The following PCDH11X variants were observed in gnomAD, a reference collection of about 807,000 sequenced individuals.
The protein encoded by PCDH11X is protocadherin-11 X-linked.
A neutral mutation model predicts 53.3 loss-of-function variants in PCDH11X; 18 were observed. The observed-to-expected ratio is 0.34, with a 90% CI of 0.23 to 0.50. The LOEUF (loss-of-function observed/expected upper bound fraction) is 0.50. Ranked by LOEUF, PCDH11X falls within the 20% of genes least tolerant of loss-of-function variation. PCDH11X has a pLI of 0.98. For missense variants in PCDH11X, 570 were observed against 1,032.4 expected, an observed-to-expected ratio of 0.55 and a Z score of 6.14; for synonymous variants, 279 against 393.3, an observed-to-expected ratio of 0.71 and a Z score of 3.44.
At chrX:92,559,615 G>A (rs1221124740) in intron 10 of PCDH11X, among the ~76,000 whole-genome samples, 1 of 111,531 alleles carries the variant, frequency 9.0e-6, no homozygotes, top group East Asian at 2.8e-4. Context: ...CAGAGGTCTT[G>A]TGGTGCAGAA....
At chrX:92,520,512 C>G in intron 10 of PCDH11X, among the ~76,000 whole-genome samples, 1 of 92,117 alleles carries the variant, frequency 1.1e-5, no homozygotes, top group Admixed American at 1.3e-4. Flanking sequence ...CAGGATTTTG[C>G]CATGTTGCCC....
chrX:92,194,465 T>C (rs939415779), intron 6 of PCDH11X, among the ~76,000 whole-genome samples: 8 of 111,126 alleles, frequency 7.2e-5, no homozygotes, highest in Non-Finnish European at 1.9e-5. Flanking sequence ...CCTATCTTAA[T>C]TAGCTTTCAG....
chrX:91,862,216 G>T (rs1298996924), intron 5 of PCDH11X, among the ~76,000 whole-genome samples: 1 of 110,878 alleles, frequency 9.0e-6, no homozygotes, highest in Non-Finnish European at 1.9e-5. Flanking sequence ...CAGCAGTAAA[G>T]CTATCGGGTC....
chrX:92,038,483 A>C (rs2063162948), intron 6 of PCDH11X, among the ~76,000 whole-genome samples: 1 of 112,010 alleles, frequency 8.9e-6, no homozygotes, highest in African/African-American at 3.3e-5. Context: ...ATTGCACAGA[A>C]GTCAAGAATT....
intron 4 of PCDH11X, among the ~76,000 whole-genome samples, chrX:91,824,295 A>G (rs1184966417): frequency 1.8e-5 from 2 of 110,387 alleles, no homozygotes; most frequent in Non-Finnish European, 3.8e-5. Flanking sequence ...CATTCTCCCC[A>G]TCACTTTCAG....
At position 91,878,353 on chromosome X, in the gene PCDH11X, A is replaced by G. The variant is rs200978757; in HGVS notation, c.2113A>G (p.Thr705Ala). Residue 705 changes from threonine (T) to alanine (A), a missense_variant, in exon 6 of 11, where the codon ACT (threonine) becomes GCT (alanine). This residue lies in a region of PCDH11X where 226 missense variants were observed against 457.5 expected (regional missense o/e 0.49). Transcript: ENST00000682573. Reference sequence around the variant, plus strand: ...TCAGGTAATTGCTGTTGACAATGACACTGGCATGAATGCAGAGGTTCGTTA... The same window carrying G: ...TCAGGTAATTGCTGTTGACAATGACGCTGGCATGAATGCAGAGGTTCGTTA... ...VFQVIAVDND[T>A]GMNAEVRYSI... The G allele has an allele frequency of 5.0e-6, 6 of 1,207,456 alleles. No homozygotes were observed. The highest frequency in any genetic ancestry group is 5.6e-6 in the Non-Finnish European group (5 of 893,051).
At chrX:92,268,291 G>A (rs1056316942) in intron 8 of PCDH11X, among the ~76,000 whole-genome samples, 9 of 96,700 alleles carry the variant, frequency 9.3e-5, no homozygotes, top group African/African-American at 4.2e-4. Flanking sequence ...AGTGTTATTA[G>A]TATGTTTTGT....
At chrX:92,237,155 G>T (rs978293532) in intron 7 of PCDH11X, among the ~76,000 whole-genome samples, 3 of 110,568 alleles carry the variant, frequency 2.7e-5, no homozygotes, top group African/African-American at 6.5e-5. Flanking sequence ...GAAATTTGTG[G>T]TTTTTTTAAA....
intron 6 of PCDH11X, chrX:92,113,673 T>A: frequency 1.7e-6 from 2 of 1,202,089 alleles, no homozygotes; most frequent in Admixed American, 4.4e-5. Context: ...ACAAGTCACA[T>A]AGTGTGTCCA....
chrX:92,571,346 A>G (rs1922193958), intron 10 of PCDH11X, among the ~76,000 whole-genome samples: 1 of 111,577 alleles, frequency 9.0e-6, no homozygotes, highest in Admixed American at 9.6e-5. Context: ...TTGCTATTAA[A>G]TTAGTATTTT....
In PCDH11X at chrX:91,784,261, T is replaced by C. The variant is rs12394930; in HGVS notation, c.-379+4577T>C. On this transcript the variant is annotated intron_variant, in intron 1 of 10. Transcript: ENST00000682573. ...ATGAAGAATTGAATACATTGATGTA[T>C]TACAGTAGAGAGTGGAAGCAAATAT... Among the ~76,000 whole-genome samples, 906 of 112,267 alleles carry C rather than the reference T, an allele frequency of 8.1e-3. 7 individuals carry two copies. Among genetic ancestry groups the C allele is most frequent in the African/African-American group, 0.028 (855 of 30,912 alleles).
At chrX:92,085,704 T>G (rs763639271) in intron 6 of PCDH11X, among the ~76,000 whole-genome samples, 1 of 109,797 alleles carries the variant, frequency 9.1e-6, no homozygotes, top group African/African-American at 3.3e-5. Context: ...GGTCAGAACA[T>G]TTTTTTTTCT....
intron 9 of PCDH11X, among the ~76,000 whole-genome samples, chrX:92,428,038 G>C (rs2072164867): frequency 2.0e-5 from 2 of 98,187 alleles, no homozygotes; most frequent in African/African-American, 7.5e-5. Context: ...AGCTTCAAAT[G>C]AGCATCTAAT....
rs143672171 is a variant in PCDH11X at position 92,039,594 on chromosome X, G to T, written c.3033+160321G>T. Among the ~76,000 whole-genome samples, 381 of 110,788 alleles carry T rather than the reference G, an allele frequency of 3.4e-3. 17 individuals are homozygous for T. The East Asian group carries it at 0.093, about 27-fold the overall frequency. ...TTGTGGTAAATGCTGCCAGGCCTGG[G>T]ACTCACCCTTCATGGAAGTGGGCTC... is the stretch of plus-strand genomic sequence containing the variant. On this transcript the variant is annotated intron_variant, in intron 6 of 10. Coordinates refer to ENST00000682573, the MANE Select transcript of PCDH11X (RefSeq NM_032968.5).
At chrX:92,102,563 G>T (rs1289378675) in intron 6 of PCDH11X, among the ~76,000 whole-genome samples, 2 of 111,871 alleles carry the variant, frequency 1.8e-5, no homozygotes, top group Non-Finnish European at 3.8e-5. Context: ...TAACAGATGA[G>T]GATGAAATTT....
intron 8 of PCDH11X, among the ~76,000 whole-genome samples, chrX:92,353,604 C>A (rs1446458323): frequency 1.8e-5 from 2 of 110,450 alleles, no homozygotes; most frequent in South Asian, 7.7e-4. Context: ...TAATGCATGA[C>A]GTCTTTTAAT....
intron 10 of PCDH11X, among the ~76,000 whole-genome samples, chrX:92,514,058 A>AG (rs2074211551): frequency 8.9e-6 from 1 of 112,150 alleles, no homozygotes; most frequent in Non-Finnish European, 1.9e-5. Context: ...ATTACTTTTT[A>AG]TGGTGGACTA....
chrX:92,386,764 C>T (rs1392862695), intron 8 of PCDH11X, among the ~76,000 whole-genome samples: 1 of 103,108 alleles, frequency 9.7e-6, no homozygotes, highest in African/African-American at 3.5e-5. Context: ...CTTGAGCTTC[C>T]CCACAGTATG....
chrX:92,051,791 A>T (rs1415120272), intron 6 of PCDH11X, among the ~76,000 whole-genome samples: 6 of 111,235 alleles, frequency 5.4e-5, no homozygotes, highest in African/African-American at 2.0e-4. Flanking sequence ...AACATTTTTG[A>T]TAGTTTTAAT....
Sources: gnomAD v4.1 joint callset for allele counts (sites outside exome capture counted in the v4.1 genomes callset) on GRCh38, gnomAD v4.1.1 for gene constraint, gnomAD v4.1.1 regional missense constraint, MANE v1.5 for transcripts, NCBI Gene and HGNC (gene_info 2026-07-23, HGNC 2026-07-21) for gene names.